SCFD2: variants seen among roughly 807,000 people sequenced by gnomAD.
SCFD2 encodes sec1 family domain containing 2, also known as sec1 family domain-containing protein 2.
A neutral mutation model predicts 58.9 loss-of-function variants in SCFD2; 54 were observed. The ratio of observed to expected loss-of-function variants is 0.92; its 90% CI spans 0.74 to 1.15. SCFD2 has a LOEUF of 1.15. Ranked by LOEUF, SCFD2 falls within the 50% of genes most tolerant of loss-of-function variation. SCFD2 has a pLI of 0.00. For missense variants in SCFD2, 805 were observed against 836.6 expected, an observed-to-expected ratio of 0.96 and a Z score of 0.47; for synonymous variants, 321 against 335.9, an observed-to-expected ratio of 0.96 and a Z score of 0.49.
intron 4 of SCFD2, among the ~76,000 whole-genome samples, chr4:53,222,921 G>T (rs1373304748): frequency 1.3e-5 from 2 of 152,112 alleles, no homozygotes; most frequent in African/African-American, 4.8e-5. Flanking sequence ...CTACAGAAAC[G>T]TATTTCTGTA....
chr4:53,238,395 GC>G (rs1729753228), intron 4 of SCFD2, among the ~76,000 whole-genome samples: 1 of 141,262 alleles, frequency 7.1e-6, no homozygotes, highest in African/African-American at 2.6e-5. Context: ...GGCTGGCCTG[GC>G]GGGGGGCTGA....
chr4:53,291,655 AG>A (rs1731843927), intron 3 of SCFD2, among the ~76,000 whole-genome samples: 1 of 152,210 alleles, frequency 6.6e-6, no homozygotes, highest in Non-Finnish European at 1.5e-5. Context: ...GAACCAAAAA[AG>A]AGCCCATATA....
intron 4 of SCFD2, among the ~76,000 whole-genome samples, chr4:53,266,507 C>T (rs1303006413): frequency 6.6e-6 from 1 of 152,108 alleles, no homozygotes; most frequent in Non-Finnish European, 1.5e-5. Context: ...GAGGTAGATA[C>T]TTTATTTCTC....
At chr4:53,253,804 G>T (rs924574573) in intron 4 of SCFD2, among the ~76,000 whole-genome samples, 2 of 149,882 alleles carry the variant, frequency 1.3e-5, no homozygotes, top group African/African-American at 2.5e-5. Context: ...ACGAGTTAAT[G>T]AGTGCAGCAC....
chr4:52,935,839 T>G (rs898440175), intron 5 of SCFD2, among the ~76,000 whole-genome samples: 1 of 152,148 alleles, frequency 6.6e-6, no homozygotes, highest in Non-Finnish European at 1.5e-5. Flanking sequence ...TTTCTTTTTC[T>G]TTTCTTTTAT....
intron 5 of SCFD2, among the ~76,000 whole-genome samples, chr4:53,077,267 T>C (rs1452332031): frequency 6.6e-6 from 1 of 152,198 alleles, no homozygotes; most frequent in Admixed American, 6.5e-5. Flanking sequence ...TTATGGGTCA[T>C]ATTTCAGTAT....
chr4:53,302,152 A>G (rs562504794), intron 3 of SCFD2, among the ~76,000 whole-genome samples: 1 of 152,320 alleles, frequency 6.6e-6, no homozygotes, highest in Admixed American at 6.5e-5. Context: ...GGAAAAGAGG[A>G]AGTCAAATTG....
At chr4:53,239,171 C>T (rs915915349) in intron 4 of SCFD2, among the ~76,000 whole-genome samples, 3 of 151,500 alleles carry the variant, frequency 2.0e-5, no homozygotes, top group Non-Finnish European at 2.9e-5. Context: ...CTGGCCTGGC[C>T]AACACAGCGA....
chr4:53,291,292 T>C (rs1010150246), intron 3 of SCFD2, among the ~76,000 whole-genome samples: 9 of 151,646 alleles, frequency 5.9e-5, no homozygotes, highest in East Asian at 1.9e-4. Flanking sequence ...TACCTTAACA[T>C]ATGCAAATCA....
At chr4:53,058,814 C>G (rs1396892948) in intron 5 of SCFD2, among the ~76,000 whole-genome samples, 5 of 151,960 alleles carry the variant, frequency 3.3e-5, no homozygotes, top group African/African-American at 1.2e-4. Context: ...TCCCCAGAAC[C>G]CCAGGAAAAC....
intron 4 of SCFD2, among the ~76,000 whole-genome samples, chr4:53,246,888 G>A (rs10014030): frequency 0.61 from 90,621 of 149,228 alleles, 27,288 homozygotes; most frequent in Middle Eastern, 0.67. Context: ...AGTAAAAGAA[G>A]CTATCAACAG....
chr4:52,925,818 A>G (rs951924497), intron 5 of SCFD2, among the ~76,000 whole-genome samples: 2 of 151,974 alleles, frequency 1.3e-5, no homozygotes, highest in Admixed American at 6.5e-5. Context: ...AGGCCCTCAA[A>G]CCCCTAGGGT....
intron 4 of SCFD2, among the ~76,000 whole-genome samples, chr4:53,169,346 A>G (rs1249860607): frequency 1.3e-5 from 2 of 152,238 alleles, no homozygotes; most frequent in Non-Finnish European, 2.9e-5. Flanking sequence ...TGGGTGACAG[A>G]GCGAGACTCT....
chr4:52,979,086 G>T, intron 5 of SCFD2, among the ~76,000 whole-genome samples: 1 of 151,522 alleles, frequency 6.6e-6, no homozygotes, highest in Non-Finnish European at 1.5e-5. Context: ...GTAGTTAAGA[G>T]CAAGATAAAA....
intron 5 of SCFD2, among the ~76,000 whole-genome samples, chr4:52,958,634 C>T (rs1415474492): frequency 6.6e-6 from 1 of 152,124 alleles, no homozygotes; most frequent in African/African-American, 2.4e-5. Context: ...AGGAACAGCT[C>T]TCGGAGGAGC....
chr4:53,007,909 A>G (rs1722013833), intron 5 of SCFD2, among the ~76,000 whole-genome samples: 1 of 152,238 alleles, frequency 6.6e-6, no homozygotes, highest in South Asian at 2.1e-4. Flanking sequence ...GAAGAGCTTC[A>G]TGCTGAACAG....
Position 53,337,362 on chromosome 4 carries a change from T to C in SCFD2, c.1007+15236A>G, listed in dbSNP as rs181948127. Among the ~76,000 whole-genome samples the C allele has an allele frequency of 4.0e-3, 606 of 152,288 alleles. 17 individuals carry two copies. The highest frequency in any genetic ancestry group is 0.036 in the Admixed American group (548 of 15,290). ...TTAATTACCTCTTTAATTACCTCTT[T>C]AATGGGCTTATCTCAAAATACAGTC... On this transcript the variant is annotated intron_variant, in intron 2 of 8. Transcript: ENST00000401642.
At chr4:52,920,697 AAG>A in intron 6 of SCFD2, 26 bp downstream of exon 6, 1 of 1,374,584 alleles carries the variant, frequency 7.3e-7, no homozygotes, top group African/African-American at 1.6e-5. Flanking sequence ...AACAGATTAG[AAG>A]GTTACTTTAA....
chr4:53,251,098 C>A (rs569005664), intron 4 of SCFD2, among the ~76,000 whole-genome samples: 2 of 152,146 alleles, frequency 1.3e-5, no homozygotes, highest in African/African-American at 2.4e-5. Flanking sequence ...GATAATACTA[C>A]AAACACCTCT....
Sources: gnomAD v4.1 joint callset for allele counts (sites outside exome capture counted in the v4.1 genomes callset) on GRCh38, gnomAD v4.1.1 for gene constraint, MANE v1.5 for transcripts, NCBI Gene and HGNC (gene_info 2026-07-23, HGNC 2026-07-21) for gene names.